MAPK8: variants seen among roughly 807,000 people sequenced by gnomAD.
MAPK8 encodes JUN N-terminal kinase.
In MAPK8, 13 loss-of-function variants were observed where a neutral mutation model predicts 52.9. The observed-to-expected ratio is 0.25, with a 90% CI of 0.16 to 0.39. MAPK8 has a LOEUF of 0.39. Among genes scored for constraint, MAPK8 ranks in the 10% least tolerant of loss-of-function variants. The probability of loss-of-function intolerance (pLI) is 1.00; values close to 1 mark genes in which losing one functional copy is unlikely to be tolerated. For missense variants in MAPK8, 300 were observed against 519.2 expected, an observed-to-expected ratio of 0.58 and a Z score of 4.10; for synonymous variants, 191 against 169.8, an observed-to-expected ratio of 1.12 and a Z score of -0.97.
chr10:48,383,972 C>G (rs563746139), intron 1 of MAPK8, among the ~76,000 whole-genome samples: 1 of 152,264 alleles, frequency 6.6e-6, no homozygotes, highest in Admixed American at 6.5e-5. Flanking sequence ...GACAAGATGG[C>G]CTGGCCCAGT....
intron 1 of MAPK8, among the ~76,000 whole-genome samples, chr10:48,313,242 G>C (rs990204334): frequency 6.6e-6 from 1 of 152,156 alleles, no homozygotes; most frequent in Non-Finnish European, 1.5e-5. Flanking sequence ...AGACCAGCTT[G>C]GCCAACATAG....
At chr10:48,329,480 G>A (rs1843890271) in intron 1 of MAPK8, among the ~76,000 whole-genome samples, 2 of 151,406 alleles carry the variant, frequency 1.3e-5, no homozygotes, top group Non-Finnish European at 2.9e-5. Flanking sequence ...ATCTTGAATA[G>A]TGATAATGTG....
chr10:48,412,201 G>T (rs1469195764), intron 5 of MAPK8, among the ~76,000 whole-genome samples: 1 of 152,162 alleles, frequency 6.6e-6, no homozygotes, highest in East Asian at 1.9e-4. Flanking sequence ...ATGGCTTCCA[G>T]TGATAAATCA....
intron 1 of MAPK8, among the ~76,000 whole-genome samples, chr10:48,344,121 A>G (rs971155767): frequency 2.0e-5 from 3 of 152,242 alleles, no homozygotes; most frequent in African/African-American, 4.8e-5. Flanking sequence ...ATAGAACAAT[A>G]TCAGAGTAAA....
intron 1 of MAPK8, among the ~76,000 whole-genome samples, chr10:48,362,960 C>G (rs529929629): frequency 2.0e-3 from 309 of 152,062 alleles, no homozygotes; most frequent in African/African-American, 6.2e-3. Context: ...AGGCTGGTCT[C>G]GAACTCCTGA....
chr10:48,387,636 C>T (rs765894060), intron 1 of MAPK8, among the ~76,000 whole-genome samples: 7 of 152,252 alleles, frequency 4.6e-5, no homozygotes, highest in Non-Finnish European at 1.0e-4. Context: ...GATAAAATGA[C>T]AGTTTCAGTA....
intron 10 of MAPK8, among the ~76,000 whole-genome samples, chr10:48,428,025 A>G (rs1041132768): frequency 5.3e-5 from 8 of 152,182 alleles, no homozygotes; most frequent in Admixed American, 3.9e-4. Flanking sequence ...TTCTGAGCCA[A>G]AGATATTTTT....
At chr10:48,415,061 T>C (rs991144976) in intron 5 of MAPK8, among the ~76,000 whole-genome samples, 6 of 152,202 alleles carry the variant, frequency 3.9e-5, no homozygotes, top group African/African-American at 1.4e-4. Flanking sequence ...TACAGGCTTA[T>C]CCTTAATTAT....
rs1221991385 is a variant in MAPK8 at position 48,427,382 on chromosome 10, T to C, written c.1060+239T>C. ...GTGCTCTGTCTCATATTTTTTTCCA[T>C]GGTTTGTGAATACACAAATGTGTTT... On this transcript the variant is annotated intron_variant, in intron 10 of 11. Transcript: ENST00000374189. 1.2e-5 allele frequency: 5 copies of C among 402,990 alleles called. No individual in the cohort carries two copies. The Admixed American group carries it at 1.8e-4, about 14-fold the overall frequency. 25.0% of individuals were successfully genotyped at this position (402,990 alleles called of 1,614,324 possible).
At chr10:48,426,647 G>T in intron 9 of MAPK8, 143 bp downstream of exon 9, 1 of 770,840 alleles carries the variant, frequency 1.3e-6, no homozygotes, top group Non-Finnish European at 2.0e-6. Flanking sequence ...TGAAGACTAC[G>T]TCAAATAAAC....
chr10:48,344,352 T>C (rs1459465555), intron 1 of MAPK8, among the ~76,000 whole-genome samples: 2 of 152,238 alleles, frequency 1.3e-5, no homozygotes, highest in African/African-American at 2.4e-5. Flanking sequence ...TTGCCTTTAT[T>C]CCTAAAGAGC....
At chr10:48,340,609 A>G (rs1845163437) in intron 1 of MAPK8, among the ~76,000 whole-genome samples, 2 of 152,152 alleles carry the variant, frequency 1.3e-5, no homozygotes, top group South Asian at 4.1e-4. Context: ...TAGTTTTCTT[A>G]TCTCTGACTT....
At chr10:48,365,345 A>G (rs1847933340) in intron 1 of MAPK8, among the ~76,000 whole-genome samples, 1 of 152,144 alleles carries the variant, frequency 6.6e-6, no homozygotes, top group Non-Finnish European at 1.5e-5. Context: ...GCAAAGTTGA[A>G]ATTGTACTTT....
At chr10:48,357,859 A>G (rs1847130323) in intron 1 of MAPK8, among the ~76,000 whole-genome samples, 1 of 152,114 alleles carries the variant, frequency 6.6e-6, no homozygotes, top group African/African-American at 2.4e-5. Flanking sequence ...GTCACTCCTC[A>G]TTCCCCTGTC....
In MAPK8 at chr10:48,426,009, C is replaced by T; in HGVS notation, c.810C>T (p.Ser270=). 1.9e-6 allele frequency: 3 copies of T among 1,613,126 alleles called. No individual in the cohort carries two copies. Among genetic ancestry groups the T allele is most frequent in the Non-Finnish European group, 2.5e-6 (3 of 1,179,508 alleles). The part of the protein sequence containing the change: ...VENRPKYAGY[S]FEKLFPDVLF... ...ACAGACCTAAATATGCTGGATATAG[C>T]TTTGAGAAACTCTTCCCTGATGTCC... Residue 270 remains serine, a synonymous_variant, in exon 8 of 12, where the codon AGC becomes AGT. Coordinates refer to ENST00000374189, the MANE Select transcript of MAPK8 (RefSeq NM_001323329.2).
intron 5 of MAPK8, among the ~76,000 whole-genome samples, chr10:48,411,069 G>A (rs1218657438): frequency 1.3e-5 from 2 of 152,112 alleles, no homozygotes; most frequent in Non-Finnish European, 2.9e-5. Flanking sequence ...CTCCCATTCT[G>A]TAGGTTGTCT....
chr10:48,334,224 C>G (rs1844439521), intron 1 of MAPK8, among the ~76,000 whole-genome samples: 1 of 152,134 alleles, frequency 6.6e-6, no homozygotes. Flanking sequence ...CTTTGGCTCC[C>G]TCTTTCCTTT....
At chr10:48,331,357 C>T (rs1026390895) in intron 1 of MAPK8, among the ~76,000 whole-genome samples, 3 of 152,170 alleles carry the variant, frequency 2.0e-5, no homozygotes, top group Admixed American at 6.5e-5. Context: ...TCCATTTTGA[C>T]CTTCTGCTTT....
intron 7 of MAPK8, chr10:48,425,214 C>A (rs768583545): frequency 6.0e-5 from 46 of 763,784 alleles, no homozygotes; most frequent in Non-Finnish European, 1.0e-4. Context: ...CACAAGGTTA[C>A]AATAAGTGAG....
Sources: gnomAD v4.1 joint callset for allele counts (sites outside exome capture counted in the v4.1 genomes callset) on GRCh38, gnomAD v4.1.1 for gene constraint, MANE v1.5 for transcripts, NCBI Gene and HGNC (gene_info 2026-07-23, HGNC 2026-07-21) for gene names.